The following ZBBX variants were observed in gnomAD, a reference collection of about 807,000 sequenced individuals.
ZBBX encodes zinc finger B-box domain containing.
Under a neutral mutation model 108.5 loss-of-function variants are expected in ZBBX, and 101 were observed. The observed-to-expected ratio is 0.93, with a 90% CI of 0.79 to 1.10. The LOEUF (loss-of-function observed/expected upper bound fraction) is 1.10. Ranked by LOEUF, ZBBX falls within the 50% of genes least tolerant of loss-of-function variation. The pLI, the probability that ZBBX is intolerant of heterozygous loss-of-function variation, is 0.00. For missense variants in ZBBX, 1,009 were observed against 941.4 expected (o/e 1.07, Z -0.94); for synonymous variants, 356 against 323.4 (o/e 1.10, Z -1.08).
downstream of ZBBX, among the ~76,000 whole-genome samples, chr3:167,237,263 A>G (rs1297627052): frequency 1.3e-5 from 2 of 151,902 alleles, no homozygotes; most frequent in Non-Finnish European, 2.9e-5. Context: ...TGAATATAAA[A>G]AATACTAAAA....
At chr3:167,224,605 T>C in the ZBBX span, among the ~76,000 whole-genome samples, 18 of 152,048 alleles carry the variant, frequency 1.2e-4, no homozygotes, top group Non-Finnish European at 2.2e-4. Context: ...AGTAAATACG[T>C]TTGGAAAACA....
At chr3:167,350,595 TG>T in intron 8 of ZBBX, 80 bp from the exon 9 acceptor site, 1 of 1,000,066 alleles carries the variant, frequency 1.0e-6, no homozygotes, top group Non-Finnish European at 1.4e-6. Context: ...AAAGATGTCT[TG>T]TTTTTTAATA....
intron 19 of ZBBX, among the ~76,000 whole-genome samples, chr3:167,287,941 C>T (rs897220989): frequency 2.0e-5 from 3 of 152,012 alleles, no homozygotes; most frequent in African/African-American, 7.2e-5. Flanking sequence ...ACATATATAT[C>T]TTATATAGAG....
At chr3:167,321,609 A>G (rs1462131427) in intron 12 of ZBBX, among the ~76,000 whole-genome samples, 5 of 152,020 alleles carry the variant, frequency 3.3e-5, no homozygotes, top group Non-Finnish European at 7.4e-5. Context: ...ACAGAATCTC[A>G]GGCCTCACTT....
At chr3:167,199,398 C>A in the ZBBX span, among the ~76,000 whole-genome samples, 1 of 152,224 alleles carries the variant, frequency 6.6e-6, no homozygotes, top group Non-Finnish European at 1.5e-5. Flanking sequence ...AATCATCAAG[C>A]CATATGGGAA....
intron 18 of ZBBX, among the ~76,000 whole-genome samples, chr3:167,295,754 T>TAA (rs1731576941): frequency 1.4e-4 from 2 of 14,612 alleles, no homozygotes; most frequent in Non-Finnish European, 2.3e-4. Flanking sequence ...TATATATATA[T>TAA]ATATAAAAAA....
intron 1 of ZBBX, among the ~76,000 whole-genome samples, chr3:167,402,566 CGTAG>C: frequency 6.6e-6 from 1 of 152,036 alleles, no homozygotes; most frequent in South Asian, 2.1e-4. Context: ...ACGAGACCTA[CGTAG>C]AGGCAGAAAT....
the ZBBX span, among the ~76,000 whole-genome samples, chr3:167,210,255 T>G: frequency 6.6e-6 from 1 of 151,878 alleles, no homozygotes; most frequent in African/African-American, 2.4e-5. Context: ...AAAATGCAAT[T>G]GACATGCTAA....
chr3:167,354,253 C>T (rs1055109689), intron 8 of ZBBX, among the ~76,000 whole-genome samples: 7 of 151,620 alleles, frequency 4.6e-5, no homozygotes, highest in African/African-American at 1.5e-4. Flanking sequence ...TATCAGAATT[C>T]GAACTTTGAA....
chr3:167,253,219 T>A (rs1722911709), intron 20 of ZBBX, among the ~76,000 whole-genome samples: 1 of 152,202 alleles, frequency 6.6e-6, no homozygotes, highest in African/African-American at 2.4e-5. Flanking sequence ...GAGGTGTGGC[T>A]GGGTGTTATT....
At chr3:167,192,350 G>A in the ZBBX span, among the ~76,000 whole-genome samples, 1 of 152,098 alleles carries the variant, frequency 6.6e-6, no homozygotes, top group Admixed American at 6.6e-5. Context: ...GTCTAGGAAA[G>A]ACTTTATTTC....
the ZBBX span, among the ~76,000 whole-genome samples, chr3:167,233,122 A>G: frequency 6.6e-6 from 1 of 151,758 alleles, no homozygotes; most frequent in East Asian, 1.9e-4. Flanking sequence ...TGCAATATTA[A>G]AAACTGCCTT....
chr3:167,219,969 A>G, the ZBBX span, among the ~76,000 whole-genome samples: 29 of 152,136 alleles, frequency 1.9e-4, no homozygotes, highest in African/African-American at 6.7e-4. Flanking sequence ...ACTATGAGGA[A>G]CAATGTGCCA....
In ZBBX at chr3:167,333,992, A is replaced by C. The variant is rs368815027; in HGVS notation, c.529-7T>G. 8.0e-6 allele frequency: 12 copies of C among 1,505,520 alleles called. No individual in the cohort carries two copies. The African/African-American group carries it at 1.7e-4, about 21-fold the overall frequency. 93.3% of individuals were successfully genotyped at this position (1,505,520 alleles called of 1,614,324 possible). On this transcript the variant is annotated splice_region_variant and splice_polypyrimidine_tract_variant and intron_variant, in intron 9 of 21. Coordinates refer to ENST00000675490, the MANE Select transcript of ZBBX (RefSeq NM_001199201.2). Reference sequence around the variant, plus strand: ...ATAATATTTGAGATTTTGCCTATTAAAAAAGTAACAATATAATTAAAGCGC... The same window carrying C: ...ATAATATTTGAGATTTTGCCTATTACAAAAGTAACAATATAATTAAAGCGC...
intron 20 of ZBBX, chr3:167,252,267 C>A: frequency 9.5e-7 from 1 of 1,050,836 alleles, no homozygotes; most frequent in Non-Finnish European, 1.3e-6. Flanking sequence ...ATGCAGCTTT[C>A]ACAGAGATTT....
chr3:167,290,197 C>A (rs1412170538), intron 18 of ZBBX, among the ~76,000 whole-genome samples: 1 of 152,146 alleles, frequency 6.6e-6, no homozygotes, highest in Admixed American at 6.5e-5. Context: ...CAGCAGATCT[C>A]CCAGCACAGC....
the ZBBX span, among the ~76,000 whole-genome samples, chr3:167,219,874 A>G: frequency 3.3e-5 from 5 of 151,954 alleles, no homozygotes; most frequent in African/African-American, 1.2e-4. Context: ...GACTAACTAA[A>G]GGAAAGACCC....
rs76568962 is a variant in ZBBX at position 167,297,416 on chromosome 3, C to T, written c.1879+889G>A. ...ATCGATCAAAGACCTATATGTAAAA[C>T]CTAAAACTACAAATACCTTAGAAGA... is the stretch of plus-strand genomic sequence containing the variant. On this transcript the variant is annotated intron_variant, in intron 18 of 21. Transcript: ENST00000675490. Among the ~76,000 whole-genome samples, 931 of 152,014 alleles carry T rather than the reference C, an allele frequency of 6.1e-3. 6 individuals are homozygous for T. The highest frequency in any genetic ancestry group is 0.022 in the African/African-American group (903 of 41,500).
At chr3:167,403,127 A>G (rs974232045) in intron 1 of ZBBX, among the ~76,000 whole-genome samples, 2 of 152,162 alleles carry the variant, frequency 1.3e-5, no homozygotes, top group Admixed American at 1.3e-4. Context: ...AAATTTATGC[A>G]AAATGCACAT....
Sources: allele counts gnomAD v4.1 joint callset (sites outside exome capture counted in the v4.1 genomes callset), GRCh38; gene constraint gnomAD v4.1.1; transcripts MANE v1.5; gene names NCBI Gene and HGNC (gene_info 2026-07-23, HGNC 2026-07-21).